MAOB: variants seen among roughly 807,000 people sequenced by gnomAD.
MAOB encodes monoamine oxidase B.
MAOB carries 15 observed loss-of-function variants against 41.9 expected under a neutral mutation model. The ratio of observed to expected loss-of-function variants is 0.36; its 90% CI spans 0.24 to 0.55. The LOEUF (loss-of-function observed/expected upper bound fraction) is 0.55, where lower values mean the gene tolerates loss of function less well. Ranked by LOEUF, MAOB falls within the 20% of genes least tolerant of loss-of-function variation. The pLI is 0.86. For missense variants in MAOB, 345 were observed against 398.7 expected, an observed-to-expected ratio of 0.87 and a Z score of 1.15; for synonymous variants, 167 against 144.2, an observed-to-expected ratio of 1.16 and a Z score of -1.13.
At chrX:43,793,686 G>A in intron 7 of MAOB, 108 bp from the exon 8 acceptor site, 1 of 694,045 alleles carries the variant, frequency 1.4e-6, no homozygotes, top group Non-Finnish European at 2.1e-6. Context: ...TCTTAAAGAA[G>A]TGACAAGGAT....
At chrX:43,870,609 C>T (rs1165114412) in intron 1 of MAOB, among the ~76,000 whole-genome samples, 8 of 108,918 alleles carry the variant, frequency 7.3e-5, no homozygotes, top group African/African-American at 2.3e-4. Context: ...TCCCGGCTAA[C>T]ATGGTGAAAC....
chrX:43,803,846 T>C (rs766581839), intron 3 of MAOB, among the ~76,000 whole-genome samples: 195 of 110,904 alleles, frequency 1.8e-3, no homozygotes, highest in Non-Finnish European at 3.1e-3. Flanking sequence ...AATGCAACCA[T>C]CTGTTAGAAG....
chrX:43,769,768 T>A (rs1207597482), intron 12 of MAOB, among the ~76,000 whole-genome samples: 2 of 111,634 alleles, frequency 1.8e-5, no homozygotes, highest in East Asian at 2.8e-4. Context: ...AGGTGATACA[T>A]GCCCCCAATT....
chrX:43,849,124 C>T (rs1336942280), intron 1 of MAOB, among the ~76,000 whole-genome samples: 3 of 111,913 alleles, frequency 2.7e-5, no homozygotes, highest in African/African-American at 9.7e-5. Context: ...AGCAAGGAGA[C>T]CCTGAACAGT....
At chrX:43,852,169 G>A (rs1257158970) in intron 1 of MAOB, among the ~76,000 whole-genome samples, 1 of 111,800 alleles carries the variant, frequency 8.9e-6, no homozygotes, top group Non-Finnish European at 1.9e-5. Flanking sequence ...CTTTCAGTCT[G>A]TGATCAACCC....
At chrX:43,844,293 G>C (rs1471543990) in intron 1 of MAOB, among the ~76,000 whole-genome samples, 1 of 111,756 alleles carries the variant, frequency 8.9e-6, no homozygotes, top group Non-Finnish European at 1.9e-5. Flanking sequence ...TTCCTGATAT[G>C]ACCCATCACT....
intron 1 of MAOB, among the ~76,000 whole-genome samples, chrX:43,865,751 T>C (rs1054611419): frequency 6.3e-5 from 7 of 110,552 alleles, no homozygotes; most frequent in African/African-American, 2.3e-4. Context: ...CCATTGTTTA[T>C]TTGAACTACA....
chrX:43,847,471 ATAT>A (rs1177745540), intron 1 of MAOB, among the ~76,000 whole-genome samples: 1 of 112,045 alleles, frequency 8.9e-6, no homozygotes, highest in African/African-American at 3.2e-5. Flanking sequence ...ATGCTGAGGA[ATAT>A]TATTATCCTC....
intron 7 of MAOB, 133 bp downstream of exon 7, chrX:43,795,606 G>A: frequency 3.9e-6 from 2 of 518,298 alleles, no homozygotes; most frequent in East Asian, 7.1e-5. Context: ...CCATCCTGAA[G>A]CTACCTAGGG....
chrX:43,859,655 A>G (rs1006377441), intron 1 of MAOB, among the ~76,000 whole-genome samples: 1 of 111,196 alleles, frequency 9.0e-6, no homozygotes, highest in African/African-American at 3.3e-5. Context: ...AAGGAAGCCA[A>G]TCCTCCATGC....
At chrX:43,781,323 T>C in intron 9 of MAOB, 125 bp downstream of exon 9, 1 of 339,209 alleles carries the variant, frequency 2.9e-6, no homozygotes. Context: ...TACCGCTGAA[T>C]TTGAAAAATA....
chrX:43,873,811 G>A (rs2035423458), intron 1 of MAOB, among the ~76,000 whole-genome samples: 1 of 110,844 alleles, frequency 9.0e-6, no homozygotes, highest in South Asian at 3.9e-4. Flanking sequence ...CGAGTAGCTG[G>A]GACTACAGGC....
chrX:43,815,529 G>A (rs2034801196), intron 3 of MAOB, among the ~76,000 whole-genome samples: 1 of 112,036 alleles, frequency 8.9e-6, no homozygotes, highest in Non-Finnish European at 1.9e-5. Flanking sequence ...CTGAAAACTG[G>A]AAGCCGTAGT....
intron 3 of MAOB, among the ~76,000 whole-genome samples, chrX:43,828,397 A>G (rs747334288): frequency 9.0e-6 from 1 of 111,436 alleles, no homozygotes; most frequent in African/African-American, 3.3e-5. Flanking sequence ...TGGATTAAGA[A>G]TGAAATGAGA....
chrX:43,876,755 T>A (rs1242009429), intron 1 of MAOB, among the ~76,000 whole-genome samples: 3 of 112,906 alleles, frequency 2.7e-5, no homozygotes. Context: ...TCTCACATCA[T>A]CTGTGTTAGT....
chrX:43,863,272 G>A (rs1345366253), intron 1 of MAOB, among the ~76,000 whole-genome samples: 3 of 111,525 alleles, frequency 2.7e-5, no homozygotes, highest in East Asian at 2.8e-4. Flanking sequence ...AATACATAAC[G>A]TCCAATAGTC....
At chrX:43,821,699 T>A (rs1169628792) in intron 3 of MAOB, among the ~76,000 whole-genome samples, 1 of 111,703 alleles carries the variant, frequency 9.0e-6, no homozygotes, top group African/African-American at 3.3e-5. Flanking sequence ...AGATTATCCT[T>A]TTGAAATCTG....
intron 8 of MAOB, among the ~76,000 whole-genome samples, chrX:43,789,382 A>G (rs923547126): frequency 8.9e-6 from 1 of 112,597 alleles, no homozygotes; most frequent in Admixed American, 9.4e-5. Context: ...TCAGTTTTTG[A>G]AAGTTTTATG....
rs187457008 is a variant in MAOB at position 43,858,570 on chromosome X, C to T, written c.47-14806G>A. Among the ~76,000 whole-genome samples, 25 of 110,498 alleles carry T rather than the reference C, an allele frequency of 2.3e-4. No homozygotes were observed. In the East Asian group the frequency reaches 6.0e-3, roughly 27 times the overall value. On this transcript the variant is annotated intron_variant, in intron 1 of 14. Transcript: ENST00000378069. ...AAAATCAGTTCAAGTGTCACCTCCT[C>T]GAGAGAATTTGCCCTAACCAGGCCC...
Sources: allele counts gnomAD v4.1 joint callset (sites outside exome capture counted in the v4.1 genomes callset), GRCh38; gene constraint gnomAD v4.1.1; transcripts MANE v1.5; gene names NCBI Gene and HGNC (gene_info 2026-07-23, HGNC 2026-07-21).